NTM: variants seen among roughly 807,000 people sequenced by gnomAD.
NTM encodes IgLON family member 2.
A neutral mutation model predicts 42.1 loss-of-function variants in NTM; 13 were observed. That is an observed-to-expected ratio of 0.31 (90% confidence interval 0.20 to 0.49). The LOEUF (loss-of-function observed/expected upper bound fraction) is 0.49. NTM is among the 20% of genes least tolerant of loss of function. The pLI is 0.99. For missense variants in NTM, 373 were observed against 452.8 expected (o/e 0.82, Z 1.60); for synonymous variants, 187 against 179.2 (o/e 1.04, Z -0.35).
At chr11:132,242,830 G>C (rs964093885) in intron 4 of NTM, among the ~76,000 whole-genome samples, 13 of 152,184 alleles carry the variant, frequency 8.5e-5, no homozygotes, top group African/African-American at 3.1e-4. Context: ...GTCAACATCA[G>C]GTTGTTTCAG....
chr11:132,157,659 C>T (rs922614338), intron 3 of NTM, among the ~76,000 whole-genome samples: 4 of 142,602 alleles, frequency 2.8e-5, no homozygotes, highest in African/African-American at 9.7e-5. Context: ...GGGAGAGGGA[C>T]CTCGTATTTG....
chr11:132,013,465 CAT>C (rs2072689941), intron 2 of NTM, among the ~76,000 whole-genome samples: 1 of 152,000 alleles, frequency 6.6e-6, no homozygotes, highest in African/African-American at 2.4e-5. Flanking sequence ...TTTAAAGAAA[CAT>C]AGCAGTTAAA....
At chr11:132,275,317 T>C (rs994423732) in intron 4 of NTM, among the ~76,000 whole-genome samples, 2 of 152,058 alleles carry the variant, frequency 1.3e-5, no homozygotes, top group Non-Finnish European at 1.5e-5. Flanking sequence ...CTGAATTATA[T>C]TGGTGACTTT....
intron 2 of NTM, among the ~76,000 whole-genome samples, chr11:131,958,085 G>A (rs1466275940): frequency 1.3e-5 from 2 of 152,166 alleles, no homozygotes; most frequent in African/African-American, 2.4e-5. Context: ...CACCACCTCT[G>A]TTTGTTTTCC....
At chr11:131,420,471 T>G (rs1425176628) in intron 1 of NTM, among the ~76,000 whole-genome samples, 2 of 152,194 alleles carry the variant, frequency 1.3e-5, no homozygotes, top group Non-Finnish European at 2.9e-5. Flanking sequence ...GGTCATAGAT[T>G]TATGTTGTTT....
chr11:131,878,447 T>A (rs1020411303), intron 1 of NTM, among the ~76,000 whole-genome samples: 2 of 150,380 alleles, frequency 1.3e-5, no homozygotes, highest in Non-Finnish European at 3.0e-5. Context: ...TGGTGGCGCA[T>A]GCCTCCCAGC....
intron 1 of NTM, among the ~76,000 whole-genome samples, chr11:131,565,119 G>T (rs998332842): frequency 6.6e-6 from 1 of 152,174 alleles, no homozygotes; most frequent in Non-Finnish European, 1.5e-5. Context: ...ACCCTGGCGC[G>T]CATGTTGGTG....
chr11:131,419,596 C>A (rs1297684618), intron 1 of NTM, among the ~76,000 whole-genome samples: 1 of 151,872 alleles, frequency 6.6e-6, no homozygotes, highest in Non-Finnish European at 1.5e-5. Flanking sequence ...AAGAAGCCAT[C>A]GTGGCTGGGC....
intron 2 of NTM, among the ~76,000 whole-genome samples, chr11:131,923,741 G>A (rs1374523732): frequency 1.3e-5 from 2 of 152,202 alleles, no homozygotes; most frequent in African/African-American, 2.4e-5. Context: ...AGTTTCACGC[G>A]TCATTCAATG....
At chr11:132,026,655 T>C (rs77549418) in intron 2 of NTM, among the ~76,000 whole-genome samples, 7,549 of 152,300 alleles carry the variant, frequency 0.05, 260 homozygotes, top group Non-Finnish European at 0.073. Context: ...AATTCACAGA[T>C]ATTATCTGCA....
At chr11:132,016,034 T>C (rs2073341742) in intron 2 of NTM, among the ~76,000 whole-genome samples, 1 of 151,922 alleles carries the variant, frequency 6.6e-6, no homozygotes, top group South Asian at 2.1e-4. Flanking sequence ...TCTCATTCAG[T>C]ATGATGTTAG....
chr11:131,984,033 C>T (rs1243550809), intron 2 of NTM, among the ~76,000 whole-genome samples: 1 of 152,164 alleles, frequency 6.6e-6, no homozygotes, highest in Non-Finnish European at 1.5e-5. Flanking sequence ...GGAATGTAAC[C>T]TAATTAATGC....
At chr11:131,796,258 C>T in intron 1 of NTM, 1 of 788,788 alleles carries the variant, frequency 1.3e-6, no homozygotes, top group Non-Finnish European at 1.5e-6. Context: ...GCGGCCCAGC[C>T]CTCTCAGGAG....
intron 1 of NTM, among the ~76,000 whole-genome samples, chr11:131,435,959 C>A (rs557490109): frequency 2.8e-4 from 43 of 152,250 alleles, no homozygotes; most frequent in Non-Finnish European, 4.3e-4. Context: ...AAGATACGTT[C>A]CGTCAGTACC....
intron 1 of NTM, among the ~76,000 whole-genome samples, chr11:131,495,765 G>A (rs1955277308): frequency 6.6e-6 from 1 of 152,208 alleles, no homozygotes; most frequent in Admixed American, 6.5e-5. Flanking sequence ...CCTCCTTGAG[G>A]CTCAGCAGAA....
chr11:132,230,577 C>A (rs1239172993), intron 4 of NTM, among the ~76,000 whole-genome samples: 4 of 152,244 alleles, frequency 2.6e-5, no homozygotes, highest in African/African-American at 7.2e-5. Flanking sequence ...TCACCACTCT[C>A]CAAGCAGCCG....
chr11:132,087,961 G>T (rs2059932549), intron 2 of NTM, among the ~76,000 whole-genome samples: 1 of 152,194 alleles, frequency 6.6e-6, no homozygotes, highest in African/African-American at 2.4e-5. Context: ...TGGGTCCCCG[G>T]CATTGGCTGT....
At chr11:132,217,352 C>T (rs2335471) in intron 4 of NTM, among the ~76,000 whole-genome samples, 45,850 of 138,608 alleles carry the variant, frequency 0.33, 7,613 homozygotes, top group Middle Eastern at 0.51. Context: ...CTCTCTCTCT[C>T]TCTTTCTGTG....
At chr11:131,536,828 G>C (rs1182641375) in intron 1 of NTM, 1 of 152,256 alleles carries the variant, frequency 6.6e-6, no homozygotes. Flanking sequence ...GGAGGGAAGT[G>C]GGCCTGGAAG....
Sources: allele counts gnomAD v4.1 joint callset (sites outside exome capture counted in the v4.1 genomes callset), GRCh38; gene constraint gnomAD v4.1.1; transcripts MANE v1.5; gene names NCBI Gene and HGNC (gene_info 2026-07-23, HGNC 2026-07-21).